The following ERBB4 variants were observed in gnomAD, a reference collection of about 807,000 sequenced individuals.
ERBB4 encodes erb-b2 receptor tyrosine kinase 4, also known as receptor tyrosine-protein kinase erbB-4.
In ERBB4, 42 loss-of-function variants were observed where a neutral mutation model predicts 158.0. That is an observed-to-expected ratio of 0.27 (90% CI 0.21 to 0.34). The LOEUF is 0.34. Among genes scored for constraint, ERBB4 ranks in the 10% least tolerant of loss-of-function variants. ERBB4 has a pLI of 1.00. For missense variants in ERBB4, 1,333 were observed against 1,624.1 expected (o/e 0.82, Z 3.08); for synonymous variants, 583 against 558.7 (o/e 1.04, Z -0.61).
chr2:211,376,851 C>T lies in ERBB4; in HGVS notation c.*6764G>A, dbSNP rs933759987. 36 of 233,128 alleles carry T rather than the reference C, an allele frequency of 1.5e-4. No homozygotes were observed. The highest frequency in any genetic ancestry group is 2.8e-4 in the Non-Finnish European group (33 of 117,676). 14.4% of individuals were successfully genotyped at this position (233,128 alleles called of 1,614,324 possible). ...GGGAAAATGCGGTTTCAGCATGCAGCCACGCAATCCCTGGTGCTCTCAACA... is the reference window on the plus strand; with the variant it reads ...GGGAAAATGCGGTTTCAGCATGCAGTCACGCAATCCCTGGTGCTCTCAACA... On this transcript the variant is annotated 3_prime_UTR_variant, in exon 28 of 28. Coordinates refer to ENST00000342788, the MANE Select transcript of ERBB4 (RefSeq NM_005235.3).
At chr2:211,886,328 T>C (rs1223894076) in intron 3 of ERBB4, among the ~76,000 whole-genome samples, 1 of 152,172 alleles carries the variant, frequency 6.6e-6, no homozygotes, top group African/African-American at 2.4e-5. Context: ...ACTAAAGTGT[T>C]CCAGAAGAAC....
intron 1 of ERBB4, among the ~76,000 whole-genome samples, chr2:212,238,237 G>C (rs182523021): frequency 1.8e-3 from 269 of 152,310 alleles, no homozygotes; most frequent in African/African-American, 6.3e-3. Flanking sequence ...CCTGTTGTTG[G>C]GTTGCGAAGA....
At chr2:212,008,700 G>C (rs1559305940) in intron 2 of ERBB4, among the ~76,000 whole-genome samples, 1 of 152,066 alleles carries the variant, frequency 6.6e-6, no homozygotes, top group Non-Finnish European at 1.5e-5. Flanking sequence ...TTTCATAGGA[G>C]CATATTTAGT....
chr2:211,711,627 A>G (rs2073704575), intron 9 of ERBB4, among the ~76,000 whole-genome samples: 1 of 152,164 alleles, frequency 6.6e-6, no homozygotes, highest in Non-Finnish European at 1.5e-5. Flanking sequence ...GAATTTCAAC[A>G]TACTGATTAG....
chr2:211,637,713 C>T (rs568023143), intron 16 of ERBB4, among the ~76,000 whole-genome samples: 32 of 151,840 alleles, frequency 2.1e-4, no homozygotes, highest in Non-Finnish European at 3.7e-4. Flanking sequence ...TTCACAATAA[C>T]GATGTAACAC....
chr2:212,417,359 G>A (rs1054631284), intron 1 of ERBB4, among the ~76,000 whole-genome samples: 2 of 151,986 alleles, frequency 1.3e-5, no homozygotes, highest in African/African-American at 4.8e-5. Flanking sequence ...ATCAGAAAGA[G>A]AAAAAGTAAC....
chr2:212,199,138 T>A (rs2082518390), intron 1 of ERBB4, among the ~76,000 whole-genome samples: 1 of 152,172 alleles, frequency 6.6e-6, no homozygotes, highest in Admixed American at 6.5e-5. Flanking sequence ...GGCTTCAATT[T>A]TTCCACATTC....
At chr2:212,160,629 T>C (rs996549662) in intron 1 of ERBB4, among the ~76,000 whole-genome samples, 1 of 152,000 alleles carries the variant, frequency 6.6e-6, no homozygotes, top group Admixed American at 6.6e-5. Flanking sequence ...ATGTTCCTCT[T>C]AGAAGAAGAG....
chr2:211,729,144 A>AT (rs1411871258), intron 5 of ERBB4, among the ~76,000 whole-genome samples: 1 of 151,820 alleles, frequency 6.6e-6, no homozygotes, highest in Non-Finnish European at 1.5e-5. Context: ...ACTTTTCCAC[A>AT]TAGTATTCAA....
chr2:211,398,569 A>G, intron 25 of ERBB4, among the ~76,000 whole-genome samples: 1 of 152,114 alleles, frequency 6.6e-6, no homozygotes, highest in East Asian at 1.9e-4. Flanking sequence ...ACCTCTAGGC[A>G]AGGTGGCTCA....
At position 212,527,690 on chromosome 2, in the gene ERBB4, T is replaced by TTTTATTTATTTATTTA. The variant is rs143126554; in HGVS notation, c.82+10743_82+10758dup. ...TTGTATAAATGCAGATCCCCAAATC[T>TTTTATTTATTTATTTA]TTTATTTATTTATTTATTTATTTAT... On this transcript the variant is annotated intron_variant, in intron 1 of 27. Coordinates refer to ENST00000342788, the MANE Select transcript of ERBB4 (RefSeq NM_005235.3). Among the ~76,000 whole-genome samples the TTTTATTTATTTATTTA allele has an allele frequency of 8.0e-3, 1,196 of 149,708 alleles. 8 individuals carry two copies. The highest frequency in any genetic ancestry group is 0.01 in the Middle Eastern group (3 of 292).
At chr2:211,413,539 G>A (rs1052120128) in intron 25 of ERBB4, among the ~76,000 whole-genome samples, 1 of 151,994 alleles carries the variant, frequency 6.6e-6, no homozygotes, top group African/African-American at 2.4e-5. Flanking sequence ...TCATCAAGTA[G>A]CAGCCGTTGT....
intron 20 of ERBB4, among the ~76,000 whole-genome samples, chr2:211,454,163 T>C (rs2064321636): frequency 6.6e-6 from 1 of 152,224 alleles, no homozygotes; most frequent in African/African-American, 2.4e-5. Context: ...TGATTAACAT[T>C]AGAATAAGTC....
intron 20 of ERBB4, among the ~76,000 whole-genome samples, chr2:211,502,104 GC>G (rs2065631470): frequency 2.0e-5 from 3 of 152,104 alleles, no homozygotes; most frequent in Admixed American, 2.0e-4. Context: ...GGATATTACA[GC>G]AAGCAGATTG....
rs13002712 is a variant in ERBB4, at chr2:211,722,596, G to A, written c.742-62C>T. ...AACTCATAATACTTGTTAATGAAACGCTGCCAAAACAGGAGAAGTTTTTTT... is the reference window on the plus strand; with the variant it reads ...AACTCATAATACTTGTTAATGAAACACTGCCAAAACAGGAGAAGTTTTTTT... On this transcript the variant is annotated intron_variant, in intron 6 of 27. Transcript: ENST00000342788. 0.62 allele frequency: 929,522 copies of A among 1,511,150 alleles called. 291,798 individuals carry two copies. Among genetic ancestry groups the A allele is most frequent in the African/African-American group, 0.9 (65,849 of 73,066 alleles). The allele number at this position is 1,511,150 out of a possible 1,614,324, so 93.6% of individuals were successfully genotyped here. A position where few individuals can be genotyped will look rare whatever the true frequency, so the allele number is the denominator to read the frequency against.
intron 1 of ERBB4, among the ~76,000 whole-genome samples, chr2:212,337,401 C>A (rs1484964982): frequency 6.6e-6 from 1 of 152,088 alleles, no homozygotes; most frequent in East Asian, 1.9e-4. Context: ...GGATAGCTTT[C>A]AAGTCCTTTA....
At chr2:211,552,509 T>C (rs1374847046) in intron 20 of ERBB4, among the ~76,000 whole-genome samples, 1 of 152,068 alleles carries the variant, frequency 6.6e-6, no homozygotes, top group Non-Finnish European at 1.5e-5. Context: ...CACTGACATA[T>C]TTTTAGAATC....
intron 2 of ERBB4, among the ~76,000 whole-genome samples, chr2:211,969,281 C>A (rs2081388278): frequency 6.6e-6 from 1 of 151,872 alleles, no homozygotes; most frequent in Non-Finnish European, 1.5e-5. Context: ...AGGGTCTGAG[C>A]AATGTTAGGA....
chr2:212,253,854 G>A (rs765925464), intron 1 of ERBB4, among the ~76,000 whole-genome samples: 1 of 152,090 alleles, frequency 6.6e-6, no homozygotes, highest in Non-Finnish European at 1.5e-5. Context: ...AAGTCCACAT[G>A]GTGTAGCCTA....
Sources: gnomAD v4.1 joint callset for allele counts (sites outside exome capture counted in the v4.1 genomes callset) on GRCh38, gnomAD v4.1.1 for gene constraint, MANE v1.5 for transcripts, NCBI Gene and HGNC (gene_info 2026-07-23, HGNC 2026-07-21) for gene names.